Variants in PDS5B observed in about 807,000 individuals in gnomAD.
The protein encoded by PDS5B is PDS5 cohesin associated factor B.
Under a neutral mutation model 184.1 loss-of-function variants are expected in PDS5B, and 51 were observed. That is an observed-to-expected ratio of 0.28 (90% CI 0.22 to 0.35). The LOEUF (loss-of-function observed/expected upper bound fraction) is 0.35. PDS5B is among the 10% of genes least tolerant of loss of function. PDS5B has a pLI of 1.00. For missense variants in PDS5B, 1,180 were observed against 1,723.3 expected, an observed-to-expected ratio of 0.68 and a Z score of 5.58; for synonymous variants, 566 against 569.2, an observed-to-expected ratio of 0.99 and a Z score of 0.08.
chr13:32,737,827 A>G (rs530846229), intron 21 of PDS5B, among the ~76,000 whole-genome samples: 6 of 152,212 alleles, frequency 3.9e-5, no homozygotes, highest in Non-Finnish European at 7.3e-5. Context: ...TAGAGTTCTT[A>G]GAGTTTTATT....
chr13:32,671,941 T>C (rs1044272388), intron 7 of PDS5B, among the ~76,000 whole-genome samples: 8 of 152,336 alleles, frequency 5.3e-5, no homozygotes, highest in African/African-American at 1.9e-4. Flanking sequence ...TTGGAAGATT[T>C]TATATAGAAA....
At chr13:32,637,046 A>G (rs2058573422) in intron 1 of PDS5B, among the ~76,000 whole-genome samples, 1 of 152,226 alleles carries the variant, frequency 6.6e-6, no homozygotes, top group African/African-American at 2.4e-5. Flanking sequence ...TGTAATGAGC[A>G]AATGGTCAGA....
intron 2 of PDS5B, among the ~76,000 whole-genome samples, chr13:32,650,912 G>A (rs2140662823): frequency 6.6e-6 from 1 of 152,286 alleles, no homozygotes; most frequent in South Asian, 2.1e-4. Context: ...CCCACTTGTT[G>A]CCTAGTATTT....
rs192219880 is a variant in PDS5B at position 32,615,330 on chromosome 13, C to T, written c.-20+28737C>T. Among the ~76,000 whole-genome samples, 495 of 152,216 alleles carry T rather than the reference C, an allele frequency of 3.3e-3. 3 individuals are homozygous for T. Among genetic ancestry groups the T allele is most frequent in the Non-Finnish European group, 3.8e-3 (259 of 68,024 alleles). On this transcript the variant is annotated intron_variant, in intron 1 of 34. Transcript: ENST00000315596. ...TTCTTATACATTATTTTCAGTTACT[C>T]ATCAGATAGTTTTTCATCAATTGCA...
intron 16 of PDS5B, among the ~76,000 whole-genome samples, chr13:32,700,463 A>T (rs1951834330): frequency 1.3e-5 from 2 of 152,090 alleles, no homozygotes; most frequent in Non-Finnish European, 2.9e-5. Context: ...GAAAAACACA[A>T]TTATTTTGAT....
intron 21 of PDS5B, among the ~76,000 whole-genome samples, chr13:32,740,606 T>G (rs1243307029): frequency 6.6e-6 from 1 of 152,168 alleles, no homozygotes; most frequent in East Asian, 1.9e-4. Context: ...AACACCTACC[T>G]GCTAGTACTT....
rs1053068922 is a variant in PDS5B, at chr13:32,775,345, A to G, written c.*293A>G. The stretch of plus-strand genomic sequence containing the variant: ...TTTTTTTTAATGTTTCTGATTTCTG[A>G]AGTGCTTGTATAGCTTTTATCTGCG... On this transcript the variant is annotated 3_prime_UTR_variant, in exon 35 of 35. Coordinates refer to ENST00000315596, the MANE Select transcript of PDS5B (RefSeq NM_015032.4). 2.6e-6 allele frequency: 1 copy of G among 385,018 alleles called. No homozygotes were observed. Among genetic ancestry groups the G allele is most frequent in the Non-Finnish European group, 4.7e-6 (1 of 211,418 alleles). The allele number at this position is 385,018 out of a possible 1,614,324, so 23.9% of individuals were successfully genotyped here.
At chr13:32,595,922 A>G (rs2057858297) in intron 1 of PDS5B, among the ~76,000 whole-genome samples, 2 of 152,216 alleles carry the variant, frequency 1.3e-5, no homozygotes, top group African/African-American at 4.8e-5. Context: ...GGATCTAGCA[A>G]AGATTTCAGC....
chr13:32,695,701 T>C (rs1380047771), intron 14 of PDS5B, among the ~76,000 whole-genome samples: 2 of 152,206 alleles, frequency 1.3e-5, no homozygotes, highest in Non-Finnish European at 2.9e-5. Context: ...AATATAACTT[T>C]GTTTTTGATT....
chr13:32,770,063 C>G, intron 31 of PDS5B, 58 bp from the exon 32 acceptor site: 1 of 1,483,648 alleles, frequency 6.7e-7, no homozygotes, highest in East Asian at 2.3e-5. Context: ...TTTCATTCCT[C>G]AAAATATGTA....
chr13:32,667,764 A>T lies in PDS5B; in HGVS notation c.625A>T (p.Asn209Tyr). Residue 209 changes from asparagine to tyrosine, a missense_variant and splice_region_variant, in exon 7 of 35, where the codon AAT becomes TAT. Physicochemically the swap from Asn to Tyr is moderately radical, Grantham distance 143 (BLOSUM62 -2). Coordinates refer to ENST00000315596, the MANE Select transcript of PDS5B (RefSeq NM_015032.4). The stretch of plus-strand genomic sequence containing the variant: ...TATAGATATTGTTTATGTTTTTCAG[A>T]ATTTAAACAAGCAAGCATATGATTT... The part of the protein sequence containing the change: ...VLVNLVPAHK[N>Y]LNKQAYDLAK... The T allele has an allele frequency of 6.3e-7, 1 of 1,579,548 alleles. No homozygotes were observed. The highest frequency in any genetic ancestry group is 8.6e-7 in the Non-Finnish European group (1 of 1,161,428).
intron 6 of PDS5B, among the ~76,000 whole-genome samples, chr13:32,661,407 A>G (rs796920759): frequency 6.7e-6 from 1 of 149,616 alleles, no homozygotes; most frequent in African/African-American, 2.5e-5. Flanking sequence ...AAAAAAAAAA[A>G]AAACAGAAAA....
intron 1 of PDS5B, among the ~76,000 whole-genome samples, chr13:32,619,988 AG>A (rs1159256759): frequency 6.6e-6 from 1 of 151,968 alleles, no homozygotes; most frequent in Non-Finnish European, 1.5e-5. Context: ...TAGTAGAGAC[AG>A]GGTTTCACTA....
At chr13:32,719,599 C>T (rs768568592) in intron 19 of PDS5B, among the ~76,000 whole-genome samples, 1 of 151,990 alleles carries the variant, frequency 6.6e-6, no homozygotes, top group Non-Finnish European at 1.5e-5. Context: ...TTCTAGGTGT[C>T]GAGGACATTG....
At chr13:32,728,126 C>T (rs1190506195) in intron 19 of PDS5B, among the ~76,000 whole-genome samples, 1 of 151,276 alleles carries the variant, frequency 6.6e-6, no homozygotes, top group Non-Finnish European at 1.5e-5. Flanking sequence ...TTTAGTAATT[C>T]TATTTGTGTT....
intron 30 of PDS5B, among the ~76,000 whole-genome samples, chr13:32,764,100 A>C (rs1235682325): frequency 1.3e-5 from 2 of 152,114 alleles, no homozygotes; most frequent in African/African-American, 4.8e-5. Context: ...TAATAATTAT[A>C]GTGTGTTAGA....
chr13:32,627,645 G>A (rs771582694), intron 1 of PDS5B, among the ~76,000 whole-genome samples: 1 of 152,184 alleles, frequency 6.6e-6, no homozygotes, highest in African/African-American at 2.4e-5. Context: ...TTGCAAATTA[G>A]TAATTGCATT....
At chr13:32,699,631 A>G (rs551193510) in intron 15 of PDS5B, 99 bp from the exon 16 acceptor site, 1 of 596,760 alleles carries the variant, frequency 1.7e-6, no homozygotes, top group South Asian at 4.6e-5. Context: ...ATTTGTACGT[A>G]AGGATTTTAA....
chr13:32,712,784 G>A lies in PDS5B; in HGVS notation c.2123+2678G>A, dbSNP rs188424055. ...CTAGGACTAAAGGAGAGGCTTTGTG[G>A]TCATAGTATTTTTCTTTAGGTCAAC... On this transcript the variant is annotated intron_variant, in intron 19 of 34. Coordinates refer to ENST00000315596, the MANE Select transcript of PDS5B (RefSeq NM_015032.4). Among the ~76,000 whole-genome samples, 11 of 152,332 alleles carry A rather than the reference G, an allele frequency of 7.2e-5. No individual in the cohort carries two copies. In the East Asian group the frequency reaches 1.9e-3, roughly 27 times the overall value.
Sources: gnomAD v4.1 joint callset for allele counts (sites outside exome capture counted in the v4.1 genomes callset) on GRCh38, gnomAD v4.1.1 for gene constraint, MANE v1.5 for transcripts, NCBI Gene and HGNC (gene_info 2026-07-23, HGNC 2026-07-21) for gene names.